NPAS3: variants seen among roughly 807,000 people sequenced by gnomAD.
NPAS3 encodes the protein neuronal PAS domain protein 3, also known as neuronal PAS domain-containing protein 3.
NPAS3 carries 14 observed loss-of-function variants against 73.1 expected under a neutral mutation model. The observed-to-expected ratio is 0.19, with a 90% CI of 0.13 to 0.30. The LOEUF is 0.30. Ranked by LOEUF, NPAS3 falls within the 10% of genes least tolerant of loss-of-function variation. NPAS3 has a pLI of 1.00. For missense variants in NPAS3, 1,096 were observed against 1,250.0 expected, an observed-to-expected ratio of 0.88 and a Z score of 1.86; for synonymous variants, 620 against 541.5, an observed-to-expected ratio of 1.14 and a Z score of -2.01.
At chr14:33,541,251 G>A (rs1346748138) in intron 4 of NPAS3, among the ~76,000 whole-genome samples, 1 of 152,144 alleles carries the variant, frequency 6.6e-6, no homozygotes, top group African/African-American at 2.4e-5. Context: ...AGTAAATTAT[G>A]CACCTTTTAG....
At chr14:32,952,922 T>A (rs1262927213) in intron 1 of NPAS3, among the ~76,000 whole-genome samples, 3 of 151,488 alleles carry the variant, frequency 2.0e-5, no homozygotes, top group African/African-American at 7.3e-5. Flanking sequence ...AAAAATAACA[T>A]TAGCCAGGCT....
At chr14:33,606,287 T>C (rs1188002436) in intron 5 of NPAS3, among the ~76,000 whole-genome samples, 4 of 137,850 alleles carry the variant, frequency 2.9e-5, no homozygotes, top group African/African-American at 8.1e-5. Context: ...TGTGTTCTCA[T>C]TGTTCAATTC....
rs548059377 is a variant in NPAS3 at position 33,028,312 on chromosome 14, A to G, written c.51-27593A>G. ...TCATTCATTGACATTTTACTGTGTC[A>G]TTTCTGTGTTGTGTTTTGTGACTAA... On this transcript the variant is annotated intron_variant, in intron 1 of 11. Transcript: ENST00000356141. Among the ~76,000 whole-genome samples the G allele has an allele frequency of 5.3e-5, 8 of 152,266 alleles. No homozygotes were observed. In the East Asian group the frequency reaches 1.5e-3, roughly 29 times the overall value.
At chr14:33,013,562 A>C (rs1462303647) in intron 1 of NPAS3, among the ~76,000 whole-genome samples, 1 of 152,190 alleles carries the variant, frequency 6.6e-6, no homozygotes, top group Admixed American at 6.5e-5. Flanking sequence ...CCATTTAAAA[A>C]AATTTGGTGA....
rs578151194 is a variant in NPAS3 at position 33,562,590 on chromosome 14, G to C, written c.558+2380G>C. Among the ~76,000 whole-genome samples, 315 of 152,214 alleles carry C rather than the reference G, an allele frequency of 2.1e-3. 1 individual carries two copies. Among genetic ancestry groups the C allele is most frequent in the African/African-American group, 7.2e-3 (297 of 41,538 alleles). On this transcript the variant is annotated intron_variant, in intron 5 of 11. Coordinates refer to ENST00000356141, the Ensembl canonical transcript of NPAS3. ...ATTTATGTATTTAAAAGTGATTTTT[G>C]CGTATACCAGTTTATGTATTTAGAG...
chr14:33,564,131 G>A (rs2055802555), intron 5 of NPAS3, among the ~76,000 whole-genome samples: 1 of 152,094 alleles, frequency 6.6e-6, no homozygotes, highest in Middle Eastern at 3.4e-3. Context: ...AGCAAAAGTA[G>A]GTAAACTGTT....
chr14:33,007,625 T>C (rs1595210794), intron 1 of NPAS3, among the ~76,000 whole-genome samples: 1 of 152,370 alleles, frequency 6.6e-6, no homozygotes, highest in East Asian at 1.9e-4. Flanking sequence ...TGCTACTACA[T>C]GCTTTACACT....
chr14:33,768,780 G>GC lies in NPAS3; in HGVS notation c.853-5551dup, dbSNP rs533955332. On this transcript the variant is annotated intron_variant, in intron 7 of 11. Coordinates refer to ENST00000356141, the Ensembl canonical transcript of NPAS3. ...TTCCCAATACAATGTTATTTTTACC[G>GC]CCCCCCACCAATATTCCTTTCATTT... is the stretch of plus-strand genomic sequence containing the variant. Among the ~76,000 whole-genome samples the GC allele has an allele frequency of 3.9e-4, 59 of 152,156 alleles. 1 individual carries two copies. Among genetic ancestry groups the GC allele is most frequent in the East Asian group, 1.2e-3 (6 of 5,184 alleles).
At chr14:33,738,275 C>T (rs60435032) in intron 7 of NPAS3, among the ~76,000 whole-genome samples, 11,145 of 152,202 alleles carry the variant, frequency 0.073, 894 homozygotes, top group African/African-American at 0.2. Context: ...GCACCAGAAT[C>T]GAATCCTCCA....
intron 1 of NPAS3, among the ~76,000 whole-genome samples, chr14:32,966,772 G>A (rs1457256447): frequency 2.1e-5 from 1 of 47,542 alleles, no homozygotes; most frequent in East Asian, 3.1e-4. Flanking sequence ...GCGAGACTCC[G>A]TCTCAAAAAA....
chr14:33,731,965 G>C (rs2061413700), intron 6 of NPAS3, among the ~76,000 whole-genome samples: 1 of 152,038 alleles, frequency 6.6e-6, no homozygotes, highest in South Asian at 2.1e-4. Flanking sequence ...ACTTAATCCA[G>C]CTTTACCCGT....
intron 6 of NPAS3, among the ~76,000 whole-genome samples, chr14:33,731,571 C>T (rs561306286): frequency 1.2e-4 from 18 of 152,210 alleles, no homozygotes; most frequent in African/African-American, 4.3e-4. Context: ...AACTAGGTGG[C>T]TCCCAGACAC....
intron 4 of NPAS3, among the ~76,000 whole-genome samples, chr14:33,415,344 C>G (rs10483442): frequency 0.2 from 30,190 of 152,000 alleles, 3,262 homozygotes; most frequent in Admixed American, 0.28. Context: ...CCTAACTTAA[C>G]TGTATCCTTG....
chr14:33,748,604 G>T (rs1001529139), intron 7 of NPAS3, among the ~76,000 whole-genome samples: 1 of 152,176 alleles, frequency 6.6e-6, no homozygotes, highest in Non-Finnish European at 1.5e-5. Flanking sequence ...ACCTGGTGGG[G>T]AGAGTCAAAA....
intron 2 of NPAS3, among the ~76,000 whole-genome samples, chr14:33,070,812 T>C (rs898693743): frequency 6.6e-6 from 1 of 152,160 alleles, no homozygotes; most frequent in African/African-American, 2.4e-5. Flanking sequence ...ATATTTAAGA[T>C]GGTAAGGCAC....
intron 7 of NPAS3, among the ~76,000 whole-genome samples, chr14:33,749,130 A>G (rs1401043819): frequency 1.3e-5 from 2 of 152,178 alleles, no homozygotes; most frequent in East Asian, 3.9e-4. Flanking sequence ...AAATTAATCT[A>G]TATCCTCAAC....
intron 1 of NPAS3, among the ~76,000 whole-genome samples, chr14:32,974,361 G>A (rs1461375486): frequency 6.6e-6 from 1 of 152,148 alleles, no homozygotes; most frequent in Non-Finnish European, 1.5e-5. Flanking sequence ...CATGAAGATG[G>A]CCACAGCTAA....
rs75394775 is a variant in NPAS3, at chr14:33,642,783, G to C, written c.559-33428G>C. Among the ~76,000 whole-genome samples, 1,400 of 152,276 alleles carry C rather than the reference G, an allele frequency of 9.2e-3. 41 individuals carry two copies. The East Asian group carries it at 0.12, about 13-fold the overall frequency. Reference sequence around the variant, plus strand: ...TTTGTGGTGTCAGAGAAGCCTGGCTGAACCTCTCTTCCGGTGGTTTTGGTC... The same window carrying C: ...TTTGTGGTGTCAGAGAAGCCTGGCTCAACCTCTCTTCCGGTGGTTTTGGTC... On this transcript the variant is annotated intron_variant, in intron 5 of 11. Transcript: ENST00000356141.
intron 2 of NPAS3, 72 bp downstream of exon 2, chr14:33,056,066 A>T: frequency 1.5e-6 from 1 of 676,412 alleles, no homozygotes; most frequent in East Asian, 2.9e-5. Context: ...CTATTCAAAA[A>T]TATCCTTGTA....
Sources: gnomAD v4.1 joint callset for allele counts (sites outside exome capture counted in the v4.1 genomes callset) on GRCh38, gnomAD v4.1.1 for gene constraint, MANE v1.5 for transcripts, NCBI Gene and HGNC (gene_info 2026-07-23, HGNC 2026-07-21) for gene names.